MORC1: variants seen among roughly 807,000 people sequenced by gnomAD.
MORC1 encodes MORC family CW-type zinc finger protein 1.
Under a neutral mutation model 134.9 loss-of-function variants are expected in MORC1, and 59 were observed. The ratio of observed to expected loss-of-function variants is 0.44; its 90% CI spans 0.35 to 0.54. The LOEUF is 0.54. Among genes scored for constraint, MORC1 ranks in the 20% least tolerant of loss-of-function variants. The pLI is 0.00. For missense variants in MORC1, 947 were observed against 1,134.5 expected, an observed-to-expected ratio of 0.83 and a Z score of 2.37; for synonymous variants, 395 against 391.7, an observed-to-expected ratio of 1.01 and a Z score of -0.10.
chr3:108,960,833 G>A (rs1417223603), intron 27 of MORC1, among the ~76,000 whole-genome samples: 1 of 152,046 alleles, frequency 6.6e-6, no homozygotes, highest in East Asian at 1.9e-4. Flanking sequence ...AATCTGTAAA[G>A]GGCATCCATT....
At chr3:109,063,643 C>A (rs1348788355) in intron 9 of MORC1, among the ~76,000 whole-genome samples, 1 of 152,078 alleles carries the variant, frequency 6.6e-6, no homozygotes, top group South Asian at 2.1e-4. Context: ...TCTCTAACTG[C>A]GATGCTGAGA....
chr3:108,994,509 A>G (rs568136889), intron 21 of MORC1, among the ~76,000 whole-genome samples: 1 of 152,320 alleles, frequency 6.6e-6, no homozygotes, highest in South Asian at 2.1e-4. Context: ...GTTTGCCTCT[A>G]ACATTCAGAA....
intron 21 of MORC1, among the ~76,000 whole-genome samples, chr3:108,989,291 A>ATC (rs1374999452): frequency 6.6e-6 from 1 of 152,196 alleles, no homozygotes; most frequent in East Asian, 1.9e-4. Context: ...GCTGGAGGAA[A>ATC]TCTCTTGCCT....
At chr3:109,036,468 T>C (rs985184723) in intron 14 of MORC1, among the ~76,000 whole-genome samples, 1 of 152,164 alleles carries the variant, frequency 6.6e-6, no homozygotes, top group Admixed American at 6.5e-5. Flanking sequence ...TTTCACTTTT[T>C]ATTTTTCTTA....
chr3:109,006,604 T>C (rs1948545864), intron 18 of MORC1, among the ~76,000 whole-genome samples: 1 of 152,152 alleles, frequency 6.6e-6, no homozygotes, highest in South Asian at 2.1e-4. Flanking sequence ...TGTTCCTCTC[T>C]AAATTTTAAA....
At chr3:109,110,103 G>A (rs549318489) in intron 3 of MORC1, 19 of 152,328 alleles carry the variant, frequency 1.2e-4, no homozygotes, top group African/African-American at 1.9e-4. Flanking sequence ...GTTAACTGAG[G>A]TGCTTTTTAA....
At chr3:109,068,101 A>G (rs1415977454) in intron 9 of MORC1, among the ~76,000 whole-genome samples, 1 of 152,234 alleles carries the variant, frequency 6.6e-6, no homozygotes. Context: ...TACTGCAGAA[A>G]TCAAATGAAA....
In MORC1 at chr3:109,060,885, T is replaced by C. The variant is rs960709043; in HGVS notation, c.967-1015A>G. 2.6e-5 allele frequency among the ~76,000 whole-genome samples: 4 copies of C among 150,986 alleles called. No homozygotes were observed. In the East Asian group the frequency reaches 7.8e-4, roughly 29 times the overall value. On this transcript the variant is annotated intron_variant, in intron 11 of 27. Transcript: ENST00000232603. ...TAGTCTTTTTCTGGACTCTCAAACATACAAAGCAAAGGGAAATGATTTCTT... is the reference window on the plus strand; with the variant it reads ...TAGTCTTTTTCTGGACTCTCAAACACACAAAGCAAAGGGAAATGATTTCTT...
chr3:109,082,218 C>T (rs557802865), intron 8 of MORC1, among the ~76,000 whole-genome samples: 2 of 150,380 alleles, frequency 1.3e-5, no homozygotes, highest in Admixed American at 6.6e-5. Flanking sequence ...CACCTAGTGC[C>T]GAAAAGAAGG....
At chr3:109,011,518 G>GTTTTTTTTTTTTTTTTTTTTTTT (rs1224840111) in intron 17 of MORC1, among the ~76,000 whole-genome samples, 2 of 146,094 alleles carry the variant, frequency 1.4e-5, no homozygotes, top group African/African-American at 5.2e-5. Context: ...TTTGTGCTTT[G>GTTTTTTTTTTTTTTTTTTTTTTT]TTTTTGTTTT....
intron 11 of MORC1, 138 bp downstream of exon 11, chr3:109,061,850 A>G (rs922924882): frequency 1.6e-5 from 13 of 789,286 alleles, no homozygotes; most frequent in African/African-American, 1.5e-4. Context: ...TGTTTACCTG[A>G]GTTAAAATCA....
chr3:109,081,175 CAAAG>C (rs1233731700), intron 8 of MORC1, among the ~76,000 whole-genome samples: 3 of 151,808 alleles, frequency 2.0e-5, no homozygotes, highest in Non-Finnish European at 4.4e-5. Context: ...ATAAGAAAAA[CAAAG>C]AAAAATGTTG....
At chr3:108,979,981 A>G (rs1947668484) in intron 23 of MORC1, among the ~76,000 whole-genome samples, 1 of 152,162 alleles carries the variant, frequency 6.6e-6, no homozygotes, top group South Asian at 2.1e-4. Flanking sequence ...TAAACCTGTT[A>G]AACAACTATA....
At position 108,979,597 on chromosome 3, in the gene MORC1, T is replaced by C. The variant is rs767099632; in HGVS notation, c.2395A>G (p.Ser799Gly). The part of the protein sequence containing the change: ...GHIARVSVSG[S>G]CKVASSPASS... ...GCTGGCGAAGAAGCAACTTTACAAC[T>C]GCCACTCACAGAAACTCTGGCTATG... The change falls in exon 24 of 28, where the codon AGT becomes GGT. Residue 799 changes from serine to glycine, a missense_variant. Ser to Gly is a moderately conservative substitution (Grantham distance 56, BLOSUM62 0). This residue lies in a region of MORC1 where 722 missense variants were observed against 817.0 expected (regional missense o/e 0.88). Transcript: ENST00000232603. The C allele has an allele frequency of 6.2e-7, 1 of 1,614,204 alleles. No homozygotes were observed. Among genetic ancestry groups the C allele is most frequent in the African/African-American group, 1.3e-5 (1 of 75,072 alleles).
chr3:108,997,009 C>CA (rs36087713), intron 21 of MORC1, among the ~76,000 whole-genome samples: 1,413 of 31,526 alleles, frequency 0.045, 306 homozygotes, highest in Middle Eastern at 0.075. Flanking sequence ...GACTCTGTCT[C>CA]AAAAAAAAAA....
chr3:108,973,103 G>T (rs539942867), intron 24 of MORC1, among the ~76,000 whole-genome samples: 6 of 152,030 alleles, frequency 3.9e-5, no homozygotes, highest in African/African-American at 1.5e-4. Flanking sequence ...CTTTAAACAC[G>T]ATTTCATGTT....
chr3:109,056,117 G>A (rs367916562), intron 13 of MORC1, among the ~76,000 whole-genome samples: 2 of 152,322 alleles, frequency 1.3e-5, no homozygotes, highest in East Asian at 1.9e-4. Flanking sequence ...TATTAGTAGG[G>A]GGTGAGGTCC....
intron 14 of MORC1, among the ~76,000 whole-genome samples, chr3:109,045,522 G>A (rs1466884901): frequency 2.0e-5 from 3 of 152,184 alleles, no homozygotes; most frequent in African/African-American, 7.2e-5. Flanking sequence ...GCCAACTGCC[G>A]TTTATCAGGA....
At chr3:109,062,621 C>T (rs1006898847) in intron 10 of MORC1, among the ~76,000 whole-genome samples, 10 of 152,150 alleles carry the variant, frequency 6.6e-5, no homozygotes, top group South Asian at 2.1e-4. Flanking sequence ...AGGGTTTCAC[C>T]GTGTTAGCCA....
Sources: allele counts gnomAD v4.1 joint callset (sites outside exome capture counted in the v4.1 genomes callset), GRCh38; gene constraint gnomAD v4.1.1; regional missense constraint gnomAD v4.1.1; transcripts MANE v1.5; gene names NCBI Gene and HGNC (gene_info 2026-07-23, HGNC 2026-07-21).